Variants in TTN observed in about 807,000 individuals in gnomAD.
TTN encodes titin.
TTN carries 1,525 observed loss-of-function variants against 3,223.0 expected under a neutral mutation model. That is an observed-to-expected ratio of 0.47 (90% CI 0.45 to 0.49). The LOEUF is 0.49. Among genes scored for constraint, TTN ranks in the 20% least tolerant of loss-of-function variants. The pLI is 0.00. For missense variants in TTN, 40,786 were observed against 43,424.0 expected, an observed-to-expected ratio of 0.94 and a Z score of 5.40; for synonymous variants, 14,094 against 15,161.0, an observed-to-expected ratio of 0.93 and a Z score of 5.17.
chr2:178,609,940 C>T lies in TTN; in HGVS notation c.51483G>A (p.Ala17161=), dbSNP rs397517604. 119 of 1,612,662 alleles carry T rather than the reference C, an allele frequency of 7.4e-5. No individual in the cohort carries two copies. The highest frequency in any genetic ancestry group is 7.5e-5 in the Non-Finnish European group (89 of 1,179,228). ...GCTTCCATGTAATAGTCATTGCCTC[C>T]GCTGTAGGATTATGAACCTCTACAT... ...PVDVEVHNPT[A]EAMTITWKPP... The change falls in exon 272 of 363, where the codon GCG becomes GCA. Residue 17161 remains alanine (A), a synonymous_variant. Coordinates refer to ENST00000589042, the MANE Select transcript of TTN (RefSeq NM_001267550.2).
chr2:178,794,775 C>T, intron 7 of TTN, 147 bp downstream of exon 7: 1 of 1,151,490 alleles, frequency 8.7e-7, no homozygotes. Flanking sequence ...CAAAGCATGA[C>T]TACTGAATTT....
chr2:178,583,563 G>C, intron 312 of TTN, 44 bp downstream of exon 312: 2 of 1,474,278 alleles, frequency 1.4e-6, no homozygotes, highest in Non-Finnish European at 1.8e-6. Flanking sequence ...TGACCATCAT[G>C]AATGCTGTTA....
chr2:178,701,129 G>C lies in TTN; in HGVS notation c.30673C>G (p.Arg10225Gly), dbSNP rs1047577186. The change falls in exon 111 of 363, where the codon CGT becomes GGT. Residue 10225 changes from arginine to glycine, a missense_variant. Physicochemically the swap from Arg to Gly is moderately radical, Grantham distance 125 (BLOSUM62 -2). Transcript: ENST00000589042. ...AGATGAGGTATAATACCTTCAATAC[G>C]TTTTGGTGGTGGTTTCTTTTCTTCG... The part of the protein sequence containing the change: ...TPEEKKPPPK[R>G]IEVTKKAVKK... 1.9e-6 allele frequency: 3 copies of C among 1,613,500 alleles called. No homozygotes were observed. In the African/African-American group the frequency reaches 4.0e-5, roughly 22 times the overall value.
At chr2:178,725,217 G>A (rs1366194784) in intron 71 of TTN, 151 bp downstream of exon 71, 2 of 851,138 alleles carry the variant, frequency 2.3e-6, no homozygotes, top group Non-Finnish European at 3.2e-6. Context: ...AAGAGTGTTT[G>A]AAAGATCAAC....
Position 178,607,826 on chromosome 2 carries a change from G to A in TTN, c.52961C>T (p.Pro17654Leu), listed in dbSNP as rs762800771. 19 of 1,612,822 alleles carry A rather than the reference G, an allele frequency of 1.2e-5. No homozygotes were observed. The highest frequency in any genetic ancestry group is 8.9e-5 in the East Asian group (4 of 44,698). ...VSAVNAAGEG[P>L]PGETQPVTVA... Reference sequence around the variant, plus strand: ...AGTAACAGGTTGTGTTTCTCCAGGCGGTCCTTCCCCTGCGGCATTGACAGC... The same window carrying A: ...AGTAACAGGTTGTGTTTCTCCAGGCAGTCCTTCCCCTGCGGCATTGACAGC... The change falls in exon 276 of 363, where the codon CCG becomes CTG. Residue 17654 changes from proline to leucine, a missense_variant. By Grantham distance (98) the Pro-to-Leu change is moderately conservative (BLOSUM62 -3). Coordinates refer to ENST00000589042, the MANE Select transcript of TTN (RefSeq NM_001267550.2).
Position 178,718,725 on chromosome 2 carries a change from C to A in TTN, c.24475G>T (p.Ala8159Ser). The change falls in exon 84 of 363, where the codon GCT becomes TCT. Residue 8159 changes from alanine (A) to serine (S), a missense_variant. Coordinates refer to ENST00000589042, the MANE Select transcript of TTN (RefSeq NM_001267550.2). ...ACAAAAAGATGTGTGGTACAGGAAG[C>A]ACTGCCAGCATCATTTGTAACGAGG... is the stretch of plus-strand genomic sequence containing the variant. ...SCLVTNDAGS[A>S]SCTTHLFVKE... The A allele has an allele frequency of 6.2e-7, 1 of 1,613,736 alleles. No homozygotes were observed. The highest frequency in any genetic ancestry group is 8.5e-7 in the Non-Finnish European group (1 of 1,179,744).
chr2:178,596,573 T>C (rs1348772350), intron 294 of TTN, among the ~76,000 whole-genome samples: 1 of 151,998 alleles, frequency 6.6e-6, no homozygotes, highest in Non-Finnish European at 1.5e-5. Flanking sequence ...AGAATGACTT[T>C]GAGGAGGTTG....
intron 139 of TTN, 54 bp downstream of exon 139, chr2:178,680,199 GA>G (rs2069030333): frequency 3.8e-6 from 6 of 1,598,404 alleles, no homozygotes; most frequent in South Asian, 1.1e-5. Flanking sequence ...CAGAACTGAA[GA>G]GGAATTCAAC....
At chr2:178,733,184 G>C in intron 54 of TTN, 55 bp downstream of exon 54, 1 of 1,556,564 alleles carries the variant, frequency 6.4e-7, no homozygotes, top group Non-Finnish European at 8.7e-7. Flanking sequence ...ATTGACTTTA[G>C]GCCATTTGTT....
In TTN at chr2:178,636,270, T is replaced by C. The variant is rs1043617019; in HGVS notation, c.41330-29A>G. On this transcript the variant is annotated intron_variant, in intron 225 of 362. Coordinates refer to ENST00000589042, the MANE Select transcript of TTN (RefSeq NM_001267550.2). This position sits in a 1 kb window ranked among gnomAD's most constrained non-coding sequence, Gnocchi z 4.3. ...TGGAGAATTTCAGTATATATTTCAA[T>C]AAATACAATATTTTCAATGAAATAA... is the stretch of plus-strand genomic sequence containing the variant. 21 of 1,485,094 alleles carry C rather than the reference T, an allele frequency of 1.4e-5. No individual in the cohort carries two copies. In the Admixed American group the frequency reaches 4.3e-4, roughly 30 times the overall value. 92.0% of individuals were successfully genotyped at this position (1,485,094 alleles called of 1,614,324 possible). A position where few individuals can be genotyped will look rare whatever the true frequency, so the allele number is the denominator to read the frequency against.
chr2:178,799,524 C>G lies in TTN; in HGVS notation c.877G>C (p.Val293Leu). The change falls in exon 6 of 363, where the codon GTC becomes CTC. Residue 293 changes from valine (V) to leucine (L), a missense_variant. Coordinates refer to ENST00000589042, the MANE Select transcript of TTN (RefSeq NM_001267550.2). ...GGGGTCGGTGCCCGCACGTGTCTGA[C>G]CGGGGAAGGGGAGTGTCTTATGGGC... ...PSPIRHSPSP[V>L]RHVRAPTPSP... is the part of the protein sequence containing the mutation. 1 of 1,614,078 alleles carries G rather than the reference C, an allele frequency of 6.2e-7. No homozygotes were observed. Among genetic ancestry groups the G allele is most frequent in the Non-Finnish European group, 8.5e-7 (1 of 1,180,004 alleles).
intron 87 of TTN, 65 bp downstream of exon 87, chr2:178,717,458 A>G: frequency 6.4e-7 from 1 of 1,560,662 alleles, no homozygotes; most frequent in Non-Finnish European, 8.7e-7. Flanking sequence ...AAATGGCACC[A>G]GCCTTTTGGT....
intron 290 of TTN, 34 bp downstream of exon 290, chr2:178,599,112 A>G: frequency 6.6e-7 from 1 of 1,505,986 alleles, no homozygotes; most frequent in Non-Finnish European, 8.8e-7. Flanking sequence ...AAAAGTAAAA[A>G]TGGCTTTGTA....
At position 178,576,391 on chromosome 2, in the gene TTN, C is replaced by A. The variant is rs566393354; in HGVS notation, c.69741G>T (p.Pro23247=). 5.1e-6 allele frequency: 8 copies of A among 1,564,286 alleles called. No homozygotes were observed. The Admixed American group carries it at 8.4e-5, about 16-fold the overall frequency. ...AAYPPGPPSN[P]HVTDTTKKSA... ...ATTTCTTGGTAGTATCAGTGACATG[C>A]GGATTTGAAGGTGGTCCTGGAGGAT... The change falls in exon 326 of 363, where the codon CCG becomes CCT. Residue 23247 remains proline (P), a synonymous_variant. Coordinates refer to ENST00000589042, the MANE Select transcript of TTN (RefSeq NM_001267550.2). The surrounding 1 kb of genome is among the most constrained non-coding windows in gnomAD (Gnocchi z 4.3).
In TTN at chr2:178,720,213, T is replaced by A. The variant is rs375392021; in HGVS notation, c.23429A>T (p.Asp7810Val). 5.6e-6 allele frequency: 9 copies of A among 1,613,530 alleles called. No individual in the cohort carries two copies. The African/African-American group carries it at 1.2e-4, about 22-fold the overall frequency. The change falls in exon 81 of 363, where the codon GAT becomes GTT. Residue 7810 changes from aspartate (D) to valine (V), a missense_variant. Transcript: ENST00000589042. ...CACTATGGCCCGTAACTCAACAGCA[T>A]CCCCAATAAGGGTTGAGGTGTCACT... ...KLSDTSTLIG[D>V]AVELRAIVEG...
chr2:178,778,066 T>C, intron 24 of TTN, 91 bp from the exon 25 acceptor site: 1 of 1,507,126 alleles, frequency 6.6e-7, no homozygotes, highest in Non-Finnish European at 9.0e-7. Flanking sequence ...ATTCATGTTA[T>C]TTTAGAATTT....
In TTN at chr2:178,741,808, T is replaced by C; in HGVS notation, c.11425A>G (p.Thr3809Ala). Residue 3809 changes from threonine (T) to alanine (A), a missense_variant, in exon 48 of 363, where the codon ACT becomes GCT. Thr to Ala is a moderately conservative substitution (Grantham distance 58, BLOSUM62 0). Coordinates refer to ENST00000589042, the MANE Select transcript of TTN (RefSeq NM_001267550.2). ...ELLSESPVYPTKFDSEKEGTG... is the reference protein window; with the variant it reads ...ELLSESPVYPAKFDSEKEGTG... ...CCTTCCTTTTCGGAATCAAATTTAG[T>C]TGGGTAAACTGGAGATTCAGACAAA... 6.2e-7 allele frequency: 1 copy of C among 1,613,098 alleles called. No individual in the cohort carries two copies. Among genetic ancestry groups the C allele is most frequent in the Non-Finnish European group, 8.5e-7 (1 of 1,179,528 alleles).
In TTN at chr2:178,538,771, C is replaced by T. The variant is rs751222141; in HGVS notation, c.99058G>A (p.Glu33020Lys). 2.6e-5 allele frequency: 42 copies of T among 1,613,598 alleles called. No homozygotes were observed. Among genetic ancestry groups the T allele is most frequent in the Non-Finnish European group, 3.3e-5 (39 of 1,179,722 alleles). The change falls in exon 354 of 363, where the codon GAG (glutamate) becomes AAG (lysine). Residue 33020 changes from glutamate to lysine, a missense_variant. Transcript: ENST00000589042. ...TTACCACCATCACATTCAGGTTTCT[C>T]CCACTGTAGAGTGACACTATCTTTG... ...ISKDSVTLQW[E>K]KPECDGGKEI...
In TTN at chr2:178,581,930, C is replaced by G. The variant is rs773148853; in HGVS notation, c.66439G>C (p.Ala22147Pro). The change falls in exon 315 of 363, where the codon GCC (alanine) becomes CCC (proline). Residue 22147 changes from alanine (A) to proline (P), a missense_variant. Coordinates refer to ENST00000589042, the MANE Select transcript of TTN (RefSeq NM_001267550.2). ...CACTGAGGGTCCCGAGCATAAGCGG[C>G]CTTGGATGCGTCACTGGGTTTGCCT... Reference protein sequence around the residue: ...GPGKPSDASKAAYARDPQYPP... With the variant: ...GPGKPSDASKPAYARDPQYPP... 6.2e-7 allele frequency: 1 copy of G among 1,613,182 alleles called. No individual in the cohort carries two copies. The highest frequency in any genetic ancestry group is 1.1e-5 in the South Asian group (1 of 91,066).
Sources: allele counts gnomAD v4.1 joint callset (sites outside exome capture counted in the v4.1 genomes callset), GRCh38; gene constraint gnomAD v4.1.1; non-coding constraint Gnocchi (gnomAD v3.1); transcripts MANE v1.5; gene names NCBI Gene and HGNC (gene_info 2026-07-23, HGNC 2026-07-21).